Variants in LATS1 observed in about 807,000 individuals in gnomAD.
The protein encoded by LATS1 is serine/threonine-protein kinase LATS1.
A neutral mutation model predicts 106.6 loss-of-function variants in LATS1; 25 were observed. That is an observed-to-expected ratio of 0.23 (90% CI 0.17 to 0.33). The LOEUF is 0.33. Ranked by LOEUF, LATS1 falls within the 10% of genes least tolerant of loss-of-function variation. The pLI is 1.00. For synonymous variants in LATS1, 465 were observed against 455.6 expected (o/e 1.02, Z -0.26); for missense variants, 1,040 against 1,382.6 (o/e 0.75, Z 3.93).
At chr6:149,674,248 T>C (rs2114751505) in intron 7 of LATS1, among the ~76,000 whole-genome samples, 1 of 150,654 alleles carries the variant, frequency 6.6e-6, no homozygotes, top group East Asian at 2.0e-4. Flanking sequence ...CTAATATTTG[T>C]ATTGTTAGTA....
intron 1 of LATS1, among the ~76,000 whole-genome samples, chr6:149,706,255 C>T (rs547863949): frequency 2.4e-3 from 284 of 120,402 alleles, no homozygotes; most frequent in Non-Finnish European, 3.6e-3. Context: ...GTAATCCCAA[C>T]ACTTTGGGAG....
intron 2 of LATS1, among the ~76,000 whole-genome samples, chr6:149,697,483 C>G (rs1783168960): frequency 6.6e-6 from 1 of 151,994 alleles, no homozygotes; most frequent in African/African-American, 2.4e-5. Flanking sequence ...AGACGTTGAG[C>G]TAATCGTAAT....
In LATS1 at chr6:149,683,668, C is replaced by G. The variant is rs757310233; in HGVS notation, c.1421G>C (p.Ser474Thr). 4 of 1,614,024 alleles carry G rather than the reference C, an allele frequency of 2.5e-6. No homozygotes were observed. Among genetic ancestry groups the G allele is most frequent in the Non-Finnish European group, 3.4e-6 (4 of 1,180,038 alleles). Residue 474 changes from serine (S) to threonine (T), a missense_variant, in exon 4 of 8, where the codon AGT becomes ACT. Physicochemically the swap from Ser to Thr is moderately conservative, Grantham distance 58. This residue lies in a region of LATS1 where 624 missense variants were observed against 714.8 expected (regional missense o/e 0.87). Transcript: ENST00000543571. The part of the protein sequence containing the change: ...SFNNPLGNRA[S>T]HSANSQPSAT... ...AGAAGGCTGAGAATTAGCAGAGTGACTTGCTCTATTTCCTAATGGGTTATT... is the reference window on the plus strand; with the variant it reads ...AGAAGGCTGAGAATTAGCAGAGTGAGTTGCTCTATTTCCTAATGGGTTATT...
chr6:149,707,365 G>C (rs1381086476), intron 1 of LATS1, among the ~76,000 whole-genome samples: 1 of 152,092 alleles, frequency 6.6e-6, no homozygotes, highest in Non-Finnish European at 1.5e-5. Flanking sequence ...AGACAATGGG[G>C]TCTGGGGGTT....
intron 3 of LATS1, among the ~76,000 whole-genome samples, chr6:149,691,852 T>C (rs190393943): frequency 6.6e-6 from 1 of 152,252 alleles, no homozygotes; most frequent in Admixed American, 6.5e-5. Context: ...ACATTCCCTT[T>C]CTTAATGTAG....
intron 5 of LATS1, among the ~76,000 whole-genome samples, chr6:149,677,952 G>C (rs1384584884): frequency 6.6e-6 from 1 of 151,372 alleles, no homozygotes; most frequent in Admixed American, 6.6e-5. Flanking sequence ...CCCAGGAGAT[G>C]GAGGTTGCAG....
chr6:149,700,872 C>T (rs1340487684), intron 2 of LATS1, among the ~76,000 whole-genome samples: 1 of 152,204 alleles, frequency 6.6e-6, no homozygotes, highest in Admixed American at 6.5e-5. Flanking sequence ...TAACCTCTGC[C>T]TCCCGGGTTC....
chr6:149,697,060 A>G (rs2114923240), intron 2 of LATS1: 1 of 866,148 alleles, frequency 1.2e-6, no homozygotes, highest in East Asian at 5.2e-5. Flanking sequence ...GTATGTTGAC[A>G]TGCATTTTTC....
At chr6:149,704,758 G>A (rs1157968512) in intron 1 of LATS1, among the ~76,000 whole-genome samples, 1 of 151,756 alleles carries the variant, frequency 6.6e-6, no homozygotes, top group Non-Finnish European at 1.5e-5. Context: ...CAAAGTGGTG[G>A]GATTATAGGC....
At chr6:149,710,897 A>C (rs756193443) in intron 1 of LATS1, among the ~76,000 whole-genome samples, 1 of 152,220 alleles carries the variant, frequency 6.6e-6, no homozygotes, top group South Asian at 2.1e-4. Context: ...AAGCAAAAAC[A>C]GAAGAGAATA....
At chr6:149,672,703 T>G (rs1453354880) in intron 7 of LATS1, among the ~76,000 whole-genome samples, 1 of 151,440 alleles carries the variant, frequency 6.6e-6, no homozygotes, top group Admixed American at 6.6e-5. Flanking sequence ...CCCAGCACTT[T>G]GGGAGGCCGA....
chr6:149,702,527 T>C (rs1171707533), intron 1 of LATS1, among the ~76,000 whole-genome samples: 2 of 151,974 alleles, frequency 1.3e-5, no homozygotes, highest in Non-Finnish European at 2.9e-5. Flanking sequence ...CAAGCATTTA[T>C]ACAAATGCCA....
Position 149,683,341 on chromosome 6 carries a change from T to C in LATS1, c.1748A>G (p.Asp583Gly). The C allele has an allele frequency of 6.2e-7, 1 of 1,614,258 alleles. No homozygotes were observed. Among genetic ancestry groups the C allele is most frequent in the Non-Finnish European group, 8.5e-7 (1 of 1,180,046 alleles). The change falls in exon 4 of 8, where the codon GAT becomes GGT. Residue 583 changes from aspartate to glycine, a missense_variant. Transcript: ENST00000543571. ...ATCTTCCTTGGGCAAGCTTGGCTGA[T>C]CCTCTTTGCTAGGCTTACTGATTGA... The part of the protein sequence containing the change: ...YESISKPSKE[D>G]QPSLPKEDES...
intron 1 of LATS1, among the ~76,000 whole-genome samples, chr6:149,712,439 C>T (rs981427722): frequency 3.3e-5 from 5 of 152,132 alleles, no homozygotes; most frequent in African/African-American, 4.8e-5. Flanking sequence ...CTCAGGTGAC[C>T]GCCCACCTTG....
At chr6:149,689,518 TG>T (rs1782598530) in intron 3 of LATS1, among the ~76,000 whole-genome samples, 1 of 152,180 alleles carries the variant, frequency 6.6e-6, no homozygotes, top group African/African-American at 2.4e-5. Context: ...TATCTTTTTT[TG>T]TTGTTGTTTT....
Position 149,684,005 on chromosome 6 carries a change from C to A in LATS1, c.1084G>T (p.Val362Phe). Residue 362 changes from valine to phenylalanine, a missense_variant, in exon 4 of 8, where the codon GTT (valine) becomes TTT (phenylalanine). Val to Phe is a conservative substitution (Grantham distance 50). This residue lies in a region of LATS1 where 624 missense variants were observed against 714.8 expected (regional missense o/e 0.87). Transcript: ENST00000543571. ...CGATTCACAGTGCCAGCAGGGACAA[C>A]ATTTTGGTGTATCATGAAATCAGTT... Reference protein sequence around the residue: ...GQTDFMIHQNVVPAGTVNRQP... With the variant: ...GQTDFMIHQNFVPAGTVNRQP... 1 of 1,614,000 alleles carries A rather than the reference C, an allele frequency of 6.2e-7. No individual in the cohort carries two copies. The highest frequency in any genetic ancestry group is 8.5e-7 in the Non-Finnish European group (1 of 1,179,994).
At chr6:149,691,032 G>A (rs1454047772) in intron 3 of LATS1, among the ~76,000 whole-genome samples, 1 of 151,790 alleles carries the variant, frequency 6.6e-6, no homozygotes, top group Non-Finnish European at 1.5e-5. Flanking sequence ...ATCCTATTTA[G>A]TCCTCAACCC....
chr6:149,687,838 G>C (rs1782485534), intron 3 of LATS1, among the ~76,000 whole-genome samples: 1 of 151,258 alleles, frequency 6.6e-6, no homozygotes, highest in African/African-American at 2.4e-5. Flanking sequence ...AAAGTGCTGG[G>C]ATTACAGGCG....
intron 3 of LATS1, among the ~76,000 whole-genome samples, chr6:149,693,282 A>G (rs1309582428): frequency 2.1e-5 from 3 of 145,940 alleles, no homozygotes; most frequent in East Asian, 2.1e-4. Flanking sequence ...AAAGAGAAAA[A>G]AAAAAAAAAA....
Sources: gnomAD v4.1 joint callset for allele counts (sites outside exome capture counted in the v4.1 genomes callset) on GRCh38, gnomAD v4.1.1 for gene constraint, gnomAD v4.1.1 regional missense constraint, MANE v1.5 for transcripts, NCBI Gene and HGNC (gene_info 2026-07-23, HGNC 2026-07-21) for gene names.